DPYD: variants seen among roughly 807,000 people sequenced by gnomAD.
DPYD encodes dihydropyrimidine dehydrogenase [NADP(+)].
DPYD carries 109 observed loss-of-function variants against 116.2 expected under a neutral mutation model. That is an observed-to-expected ratio of 0.94 (90% CI 0.80 to 1.10). DPYD has a LOEUF of 1.10. Ranked by LOEUF, DPYD falls within the 50% of genes least tolerant of loss-of-function variation. The pLI, the probability that DPYD is intolerant of heterozygous loss-of-function variation, is 0.00. For missense variants in DPYD, 1,302 were observed against 1,254.5 expected, an observed-to-expected ratio of 1.04 and a Z score of -0.57; for synonymous variants, 440 against 432.0, an observed-to-expected ratio of 1.02 and a Z score of -0.23.
chr1:97,901,999 T>A (rs925896967), intron 1 of DPYD, among the ~76,000 whole-genome samples: 3 of 151,796 alleles, frequency 2.0e-5, no homozygotes, highest in Non-Finnish European at 4.4e-5. Context: ...CCAATTGAAA[T>A]CCACATAGTC....
Position 97,897,038 on chromosome 1 carries a change from G to A in DPYD, c.40-13664C>T, listed in dbSNP as rs188834417. 1.2e-3 allele frequency among the ~76,000 whole-genome samples: 184 copies of A among 151,786 alleles called. No individual in the cohort carries two copies. The Middle Eastern group carries it at 0.024, about 20-fold the overall frequency. ...CAAACCCCTATTTTTACCTACTATT[G>A]TTTCCTTTTGCCTGAAGGATGTGAT... On this transcript the variant is annotated intron_variant, in intron 1 of 22. Coordinates refer to ENST00000370192, the MANE Select transcript of DPYD (RefSeq NM_000110.4).
At chr1:97,329,821 T>G (rs1204587169) in intron 16 of DPYD, among the ~76,000 whole-genome samples, 1 of 147,504 alleles carries the variant, frequency 6.8e-6, no homozygotes, top group Non-Finnish European at 1.5e-5. Context: ...ATAAATGTCT[T>G]ACCCTATGTT....
At chr1:97,240,075 A>G (rs1662226346) in intron 18 of DPYD, among the ~76,000 whole-genome samples, 2 of 152,064 alleles carry the variant, frequency 1.3e-5, no homozygotes, top group Admixed American at 6.6e-5. Flanking sequence ...CATGATGCCT[A>G]TGATGACAGA....
intron 3 of DPYD, among the ~76,000 whole-genome samples, chr1:97,821,102 G>A (rs1370314861): frequency 1.3e-5 from 2 of 151,886 alleles, no homozygotes; most frequent in African/African-American, 4.8e-5. Flanking sequence ...AGGCCGAGGA[G>A]GGCAGATCAC....
chr1:97,184,524 G>A (rs1657866751), intron 20 of DPYD, among the ~76,000 whole-genome samples: 1 of 152,074 alleles, frequency 6.6e-6, no homozygotes, highest in South Asian at 2.1e-4. Context: ...CAGTGACACT[G>A]AGCTTTTTTT....
At chr1:97,785,820 G>A (rs1268355930) in intron 3 of DPYD, among the ~76,000 whole-genome samples, 1 of 149,726 alleles carries the variant, frequency 6.7e-6, no homozygotes, top group Non-Finnish European at 1.5e-5. Context: ...AGCCTCCCTA[G>A]TAGCTGGGAC....
At chr1:97,158,133 G>T (rs1655622387) in intron 20 of DPYD, among the ~76,000 whole-genome samples, 2 of 151,878 alleles carry the variant, frequency 1.3e-5, no homozygotes, top group Non-Finnish European at 2.9e-5. Flanking sequence ...TTGATTGTAG[G>T]GTTTTCTCTT....
At chr1:97,456,299 T>G (rs1676682149) in intron 13 of DPYD, among the ~76,000 whole-genome samples, 4 of 152,016 alleles carry the variant, frequency 2.6e-5, no homozygotes, top group Admixed American at 2.6e-4. Context: ...AATGGGGTGT[T>G]GTCTATTTAT....
chr1:97,520,819 G>A (rs1648596914), intron 12 of DPYD, among the ~76,000 whole-genome samples: 1 of 152,124 alleles, frequency 6.6e-6, no homozygotes, highest in Non-Finnish European at 1.5e-5. Flanking sequence ...CCCTTTTGGA[G>A]GCTGCGTAGT....
chr1:97,480,163 A>G (rs963952496), intron 13 of DPYD, among the ~76,000 whole-genome samples: 41 of 152,304 alleles, frequency 2.7e-4, no homozygotes, highest in African/African-American at 9.9e-4. Context: ...ATCTATAAGG[A>G]TACTAAAAAT....
intron 12 of DPYD, among the ~76,000 whole-genome samples, chr1:97,523,227 A>G (rs17116860): frequency 0.042 from 6,435 of 152,284 alleles, 467 homozygotes; most frequent in African/African-American, 0.15. Context: ...TCCAAGTTTT[A>G]GAGTGTAAAG....
intron 1 of DPYD, among the ~76,000 whole-genome samples, chr1:97,900,544 C>A (rs1455123755): frequency 1.3e-5 from 2 of 151,858 alleles, no homozygotes; most frequent in East Asian, 3.9e-4. Context: ...TTCTTGAAAT[C>A]CATCAAATGT....
chr1:97,689,202 A>G (rs1171671014), intron 7 of DPYD, among the ~76,000 whole-genome samples: 1 of 151,980 alleles, frequency 6.6e-6, no homozygotes, highest in African/African-American at 2.4e-5. Flanking sequence ...AGAACTAACA[A>G]GGACTGATTG....
intron 3 of DPYD, among the ~76,000 whole-genome samples, chr1:97,793,486 C>T (rs1441186095): frequency 1.3e-5 from 2 of 151,972 alleles, no homozygotes; most frequent in Non-Finnish European, 2.9e-5. Context: ...AATATGATAC[C>T]AGTGTTAATA....
chr1:97,189,539 A>C (rs1658216691), intron 20 of DPYD, among the ~76,000 whole-genome samples: 2 of 152,194 alleles, frequency 1.3e-5, no homozygotes. Context: ...TTTCTTAACG[A>C]AGAATGTCAA....
At chr1:97,257,452 T>TATATATATATATAGAGAGAGAGAGAGAG (rs375490078) in intron 18 of DPYD, among the ~76,000 whole-genome samples, 23 of 126,462 alleles carry the variant, frequency 1.8e-4, no homozygotes, top group African/African-American at 6.9e-4. Flanking sequence ...TATATATATA[T>TATATATATATATAGAGAGAGAGAGAGAG]AGAGAGAGAG....
chr1:97,904,554 C>T (rs1673515991), intron 1 of DPYD, among the ~76,000 whole-genome samples: 1 of 151,956 alleles, frequency 6.6e-6, no homozygotes, highest in Non-Finnish European at 1.5e-5. Flanking sequence ...GCTTTAGACC[C>T]TTATCAGCCT....
At chr1:97,842,627 C>A (rs1670092041) in intron 2 of DPYD, among the ~76,000 whole-genome samples, 1 of 151,976 alleles carries the variant, frequency 6.6e-6, no homozygotes, top group Non-Finnish European at 1.5e-5. Context: ...TAACTAACAT[C>A]ACGATTATTA....
intron 20 of DPYD, among the ~76,000 whole-genome samples, chr1:97,102,037 A>G (rs1650728315): frequency 1.3e-5 from 2 of 152,042 alleles, no homozygotes; most frequent in Admixed American, 6.6e-5. Context: ...TGAATCAACA[A>G]TGATACCTTA....
Sources: allele counts gnomAD v4.1 joint callset (sites outside exome capture counted in the v4.1 genomes callset), GRCh38; gene constraint gnomAD v4.1.1; transcripts MANE v1.5; gene names NCBI Gene and HGNC (gene_info 2026-07-23, HGNC 2026-07-21).